The following HLCS variants were observed in gnomAD, a reference collection of about 807,000 sequenced individuals.
HLCS encodes the protein holocarboxylase synthetase.
In HLCS, 53 loss-of-function variants were observed where a neutral mutation model predicts 75.0. The ratio of observed to expected loss-of-function variants is 0.71; its 90% confidence interval spans 0.57 to 0.89. The LOEUF is 0.89. Among genes scored for constraint, HLCS ranks in the 40% least tolerant of loss-of-function variants. The pLI is 0.00. For missense variants in HLCS, 966 were observed against 1,074.0 expected, an observed-to-expected ratio of 0.90 and a Z score of 1.41; for synonymous variants, 431 against 428.6, an observed-to-expected ratio of 1.01 and a Z score of -0.07.
chr21:36,910,447 G>C (rs757363672), intron 5 of HLCS, among the ~76,000 whole-genome samples: 1 of 152,062 alleles, frequency 6.6e-6, no homozygotes, highest in Non-Finnish European at 1.5e-5. Flanking sequence ...GTGGGAGGCT[G>C]AGGCAAGAGA....
intron 2 of HLCS, among the ~76,000 whole-genome samples, chr21:36,953,182 A>C (rs531983183): frequency 1.3e-3 from 202 of 152,230 alleles, no homozygotes; most frequent in Admixed American, 3.0e-3. Flanking sequence ...CTGCAACCTC[A>C]AACTTCTGGC....
At chr21:36,897,204 A>T in intron 5 of HLCS, 73 bp from the exon 6 acceptor site, 1 of 1,521,718 alleles carries the variant, frequency 6.6e-7, no homozygotes, top group Non-Finnish European at 9.1e-7. Flanking sequence ...TTTCCTTATA[A>T]TGCCATTTTG....
At chr21:36,965,168 C>G in intron 1 of HLCS, among the ~76,000 whole-genome samples, 1 of 152,146 alleles carries the variant, frequency 6.6e-6, no homozygotes, top group Non-Finnish European at 1.5e-5. Flanking sequence ...CATATCTAAG[C>G]ACAGCCTCCA....
At position 36,759,760 on chromosome 21, in the gene HLCS, T is replaced by C. The variant is rs2089755704; in HGVS notation, c.2203A>G (p.Thr735Ala). ...MKIGGVLVNSTLMGETFYILI... is the reference protein window; with the variant it reads ...MKIGGVLVNSALMGETFYILI... ...ATATAAAATGTTTCTCCCATGAGTG[T>C]TGAGTTAACCAGAACTCCGCCGATC... The change falls in exon 9 of 11, where the codon ACA (threonine) becomes GCA (alanine). Residue 735 changes from threonine (T) to alanine (A), a missense_variant. Thr to Ala is a moderately conservative substitution (Grantham distance 58). Coordinates refer to ENST00000674895, the MANE Select transcript of HLCS (RefSeq NM_001352514.2). 1 of 1,611,364 alleles carries C rather than the reference T, an allele frequency of 6.2e-7. No individual in the cohort carries two copies. Among genetic ancestry groups the C allele is most frequent in the South Asian group, 1.1e-5 (1 of 91,026 alleles).
At position 36,754,258 on chromosome 21, in the gene HLCS, G is replaced by A; in HGVS notation, c.2610C>T (p.Pro870=). 1.9e-6 allele frequency: 3 copies of A among 1,614,040 alleles called. No homozygotes were observed. Among genetic ancestry groups the A allele is most frequent in the Admixed American group, 1.7e-5 (1 of 60,016 alleles). The change falls in exon 11 of 11, where the codon CCC becomes CCT. Residue 870 remains proline (P), a synonymous_variant. Coordinates refer to ENST00000674895, the MANE Select transcript of HLCS (RefSeq NM_001352514.2). ...GGGACGCCCGGCATTACCGCCGTTTGGGGAGGATGAGGTTTCTCAGCATGT... is the reference window on the plus strand; with the variant it reads ...GGGACGCCCGGCATTACCGCCGTTTAGGGAGGATGAGGTTTCTCAGCATGT... ...SFDMLRNLIL[P]KRR
chr21:36,777,709 G>C (rs2060404415), intron 6 of HLCS, among the ~76,000 whole-genome samples: 1 of 152,086 alleles, frequency 6.6e-6, no homozygotes, highest in Non-Finnish European at 1.5e-5. Flanking sequence ...AAGACTCAGG[G>C]GTGCATTTCT....
intron 6 of HLCS, among the ~76,000 whole-genome samples, chr21:36,808,115 G>T (rs778041292): frequency 9.9e-5 from 15 of 150,972 alleles, no homozygotes; most frequent in Non-Finnish European, 1.8e-4. Flanking sequence ...AGACATTTTG[G>T]TATATTTTCT....
chr21:36,877,403 G>A (rs201585665), intron 6 of HLCS, among the ~76,000 whole-genome samples: 1 of 148,956 alleles, frequency 6.7e-6, no homozygotes, highest in Non-Finnish European at 1.5e-5. Context: ...TGTATCTTTT[G>A]CCTTATGTGT....
At chr21:36,929,683 A>G (rs1367152378) in intron 5 of HLCS, among the ~76,000 whole-genome samples, 1 of 152,214 alleles carries the variant, frequency 6.6e-6, no homozygotes, top group Non-Finnish European at 1.5e-5. Context: ...TAGTATGGCC[A>G]AGCAGGGGGA....
rs574001504 is a variant in HLCS, at chr21:36,750,575, A to G, written c.*3671T>C. On this transcript the variant is annotated 3_prime_UTR_variant, in exon 11 of 11. Coordinates refer to ENST00000674895, the MANE Select transcript of HLCS (RefSeq NM_001352514.2). ...GAGTGGGGGAGGTTTAATACGGCCAATGGATCTTGTATAAAGTCTACGTAA... is the reference window on the plus strand; with the variant it reads ...GAGTGGGGGAGGTTTAATACGGCCAGTGGATCTTGTATAAAGTCTACGTAA... Among the ~76,000 whole-genome samples the G allele has an allele frequency of 1.3e-5, 2 of 152,148 alleles. No homozygotes were observed. The highest frequency in any genetic ancestry group is 1.5e-5 in the Non-Finnish European group (1 of 68,038).
intron 6 of HLCS, among the ~76,000 whole-genome samples, chr21:36,864,227 T>C (rs1466492259): frequency 6.6e-6 from 1 of 151,926 alleles, no homozygotes; most frequent in Non-Finnish European, 1.5e-5. Flanking sequence ...TGGTGAAACC[T>C]TGTCTCTACT....
rs143393390 is a variant in HLCS, at chr21:36,936,560, G to T, written c.1326C>A (p.Pro442=). The T allele has an allele frequency of 6.2e-7, 1 of 1,614,140 alleles. No homozygotes were observed. ...GGAGCCTGCCGGGGCTGAGCCGGACGGGGCCTTCCTGGTACCTGCAGCCAC... is the reference window on the plus strand; with the variant it reads ...GGAGCCTGCCGGGGCTGAGCCGGACTGGGCCTTCCTGGTACCTGCAGCCAC... The part of the protein sequence containing the change: ...LSSGCRYQEG[P]VRLSPGRLQG... Residue 442 remains proline, a synonymous_variant, in exon 4 of 11, where the codon CCC becomes CCA. Coordinates refer to ENST00000674895, the MANE Select transcript of HLCS (RefSeq NM_001352514.2).
At chr21:36,789,088 T>G (rs974547010) in intron 6 of HLCS, among the ~76,000 whole-genome samples, 1 of 152,190 alleles carries the variant, frequency 6.6e-6, no homozygotes, top group Non-Finnish European at 1.5e-5. Flanking sequence ...AGACTCTCAT[T>G]CTGTTGCCCA....
At chr21:36,920,186 T>C (rs547379575) in intron 5 of HLCS, among the ~76,000 whole-genome samples, 2 of 151,950 alleles carry the variant, frequency 1.3e-5, no homozygotes, top group African/African-American at 4.8e-5. Context: ...AAAAGTAAAA[T>C]AGCCAGGTAT....
chr21:36,965,208 A>G (rs1437454532), intron 1 of HLCS, among the ~76,000 whole-genome samples: 2 of 152,234 alleles, frequency 1.3e-5, no homozygotes, highest in South Asian at 2.1e-4. Context: ...ATAAGATTCA[A>G]TTCCCCACAG....
intron 6 of HLCS, among the ~76,000 whole-genome samples, chr21:36,816,416 T>A (rs2061666415): frequency 6.6e-6 from 1 of 151,374 alleles, no homozygotes; most frequent in Admixed American, 6.6e-5. Flanking sequence ...AAAATGTGAC[T>A]GTCACTAGGC....
At chr21:36,760,111 T>C (rs978176095) in intron 8 of HLCS, among the ~76,000 whole-genome samples, 11 of 152,188 alleles carry the variant, frequency 7.2e-5, no homozygotes, top group Admixed American at 5.2e-4. Flanking sequence ...AAACCCTTTC[T>C]GAAGATGCTT....
intron 5 of HLCS, among the ~76,000 whole-genome samples, chr21:36,903,539 TCATCAGA>T (rs1487685589): frequency 6.6e-6 from 1 of 152,306 alleles, no homozygotes; most frequent in Non-Finnish European, 1.5e-5. Context: ...AAGAGGTTAT[TCATCAGA>T]TGATGGTAAT....
At chr21:36,971,589 G>C (rs2068790507), upstream of HLCS, among the ~76,000 whole-genome samples, 1 of 152,090 alleles carries the variant, frequency 6.6e-6, no homozygotes, top group Non-Finnish European at 1.5e-5. Flanking sequence ...ACCACTCTGG[G>C]AGACTGAGGC....
Sources: allele counts gnomAD v4.1 joint callset (sites outside exome capture counted in the v4.1 genomes callset), GRCh38; gene constraint gnomAD v4.1.1; transcripts MANE v1.5; gene names NCBI Gene and HGNC (gene_info 2026-07-23, HGNC 2026-07-21).